The following ARHGAP9 variants were observed in gnomAD, a reference collection of about 807,000 sequenced individuals.
ARHGAP9 encodes the protein rho GTPase-activating protein 9.
ARHGAP9 carries 76 observed loss-of-function variants against 87.3 expected under a neutral mutation model. The ratio of observed to expected loss-of-function variants is 0.87; its 90% CI spans 0.72 to 1.05. ARHGAP9 has a LOEUF of 1.05. Among genes scored for constraint, ARHGAP9 ranks in the 50% least tolerant of loss-of-function variants. ARHGAP9 has a pLI of 0.00. For synonymous variants in ARHGAP9, 382 were observed against 394.9 expected (o/e 0.97, Z 0.39); for missense variants, 941 against 960.5 (o/e 0.98, Z 0.27).
At chr12:57,486,561 C>T (rs1468551923) in intron 1 of ARHGAP9, among the ~76,000 whole-genome samples, 2 of 149,948 alleles carry the variant, frequency 1.3e-5, no homozygotes, top group South Asian at 2.1e-4. Flanking sequence ...TGAGCCACCG[C>T]GCCCGGCCTT....
intron 3 of ARHGAP9, chr12:57,477,952 G>T: frequency 8.0e-7 from 1 of 1,257,408 alleles, no homozygotes. Context: ...ACAGGAAAGG[G>T]GAACAGGCTT....
At chr12:57,488,285 C>T in intron 1 of ARHGAP9, 2 of 1,290,718 alleles carry the variant, frequency 1.5e-6, no homozygotes, top group Non-Finnish European at 2.2e-6. Context: ...TGCCAAACCC[C>T]TAGCCCTCGC....
chr12:57,476,829 G>T (rs200070082), intron 6 of ARHGAP9, 42 bp downstream of exon 6: 17 of 1,227,530 alleles, frequency 1.4e-5, no homozygotes, highest in Non-Finnish European at 1.8e-5. Context: ...GGGAGGGGGG[G>T]CAGGGAGGAT....
intron 1 of ARHGAP9, chr12:57,488,035 T>C (rs377732242): frequency 6.7e-7 from 1 of 1,499,190 alleles, no homozygotes; most frequent in Non-Finnish European, 9.3e-7. Flanking sequence ...CGGAGGCCGC[T>C]GAACTCAGAA....
chr12:57,476,411 G>A lies in ARHGAP9; in HGVS notation c.1069C>T (p.Leu357=), dbSNP rs753047519. ...PSWVVLTGNS[L]VFYREPPPTA... The stretch of plus-strand genomic sequence containing the variant: ...GGCGGTGGCTCTCGGTAGAACACCA[G>A]GCTGTTACCCGTTAACACCACCCAA... The change falls in exon 8 of 18, where the codon CTG becomes TTG. Residue 357 remains leucine (L), a synonymous_variant. Transcript: ENST00000393791. 1.9e-6 allele frequency: 3 copies of A among 1,613,964 alleles called. 1 individual carries two copies. In the Admixed American group the frequency reaches 5.0e-5, roughly 27 times the overall value.
intron 1 of ARHGAP9, among the ~76,000 whole-genome samples, chr12:57,486,889 G>A (rs868778637): frequency 5.2e-4 from 72 of 139,102 alleles, no homozygotes; most frequent in East Asian, 6.5e-4. Context: ...CCGTCTCAAA[G>A]AAAAAAAAAA....
upstream of ARHGAP9, among the ~76,000 whole-genome samples, chr12:57,484,741 T>G (rs1875273469): frequency 6.6e-6 from 1 of 152,086 alleles, no homozygotes; most frequent in Non-Finnish European, 1.5e-5. Context: ...GCCTCCCAAG[T>G]TCAAGCAATT....
chr12:57,488,466 C>A, intron 1 of ARHGAP9: 1 of 1,189,222 alleles, frequency 8.4e-7, no homozygotes, highest in Non-Finnish European at 1.2e-6. Flanking sequence ...GTAAACTGCT[C>A]TTCCCTTCCC....
chr12:57,480,428 C>T (rs571930171), upstream of ARHGAP9, among the ~76,000 whole-genome samples: 8 of 152,156 alleles, frequency 5.3e-5, no homozygotes, highest in Admixed American at 3.9e-4. Flanking sequence ...GTGATTCACC[C>T]GCCTCAGCCT....
chr12:57,476,421 C>G lies in ARHGAP9; in HGVS notation c.1059G>C (p.Thr353=), dbSNP rs1349902185. 3.1e-6 allele frequency: 5 copies of G among 1,614,128 alleles called. No homozygotes were observed. Among genetic ancestry groups the G allele is most frequent in the Non-Finnish European group, 4.2e-6 (5 of 1,180,018 alleles). The part of the protein sequence containing the change: ...KNWGPSWVVL[T]GNSLVFYREP... The stretch of plus-strand genomic sequence containing the variant: ...CTCGGTAGAACACCAGGCTGTTACC[C>G]GTTAACACCACCCAAGACGGGCCCC... Residue 353 remains threonine, a synonymous_variant, in exon 8 of 18, where the codon ACG becomes ACC. Coordinates refer to ENST00000393791, the MANE Select transcript of ARHGAP9 (RefSeq NM_032496.4).
chr12:57,480,703 C>T (rs1210412332), upstream of ARHGAP9: 1 of 1,415,716 alleles, frequency 7.1e-7, no homozygotes. Context: ...GCCAGCTTCT[C>T]CTTGGTGGAA....
In ARHGAP9 at chr12:57,476,969, G is replaced by C. The variant is rs766037636; in HGVS notation, c.871-6C>G. The C allele has an allele frequency of 6.2e-7, 1 of 1,613,336 alleles. No individual in the cohort carries two copies. The highest frequency in any genetic ancestry group is 8.5e-7 in the Non-Finnish European group (1 of 1,179,734). On this transcript the variant is annotated splice_region_variant and splice_polypyrimidine_tract_variant and intron_variant, in intron 5 of 17. Coordinates refer to ENST00000393791, the MANE Select transcript of ARHGAP9 (RefSeq NM_032496.4). The stretch of plus-strand genomic sequence containing the variant: ...TGGCTGAGGCTGAGTGAACCCTAGG[G>C]GAGAGGATTGGAGAAACAGGTGGGG...
rs1565605652 is a variant in ARHGAP9, at chr12:57,472,484, CG to C, written c.*32del. The C allele has an allele frequency of 6.2e-7, 1 of 1,607,532 alleles. No homozygotes were observed. Among genetic ancestry groups the C allele is most frequent in the Admixed American group, 1.7e-5 (1 of 59,452 alleles). On this transcript the variant is annotated 3_prime_UTR_variant, in exon 18 of 18. Transcript: ENST00000393791. ...CCAGCCTCTCACCACCAGAGATGAC[CG>C]GAAATATGTTTTCTCTTCTTCCTTC...
intron 3 of ARHGAP9, 104 bp downstream of exon 3, chr12:57,478,436 T>C: frequency 8.7e-7 from 1 of 1,142,998 alleles, no homozygotes; most frequent in Non-Finnish European, 1.3e-6. Flanking sequence ...TTATCTTATT[T>C]ATTTGTTTTT....
At chr12:57,480,251 G>C (rs949733889), upstream of ARHGAP9, 1 of 459,144 alleles carries the variant, frequency 2.2e-6, no homozygotes, top group African/African-American at 2.1e-5. Context: ...GCGAGATCTC[G>C]GGTCACTGCA....
chr12:57,482,098 T>G (rs562341661), upstream of ARHGAP9, among the ~76,000 whole-genome samples: 1 of 152,266 alleles, frequency 6.6e-6, no homozygotes, highest in African/African-American at 2.4e-5. Context: ...AATACCACTA[T>G]TTAGTTTAAT....
chr12:57,483,269 G>A (rs767863954), upstream of ARHGAP9, among the ~76,000 whole-genome samples: 13 of 152,034 alleles, frequency 8.6e-5, no homozygotes, highest in East Asian at 3.9e-4. Context: ...TTGTTTCCTC[G>A]CCACCCACAT....
At chr12:57,478,980 G>T in intron 2 of ARHGAP9, 111 bp downstream of exon 2, 3 of 1,371,256 alleles carry the variant, frequency 2.2e-6, no homozygotes, top group Non-Finnish European at 3.0e-6. Context: ...AGAGAAGATG[G>T]TTAGCAGAAG....
rs1052849322 is a variant in ARHGAP9 at position 57,477,769 on chromosome 12, C to T, written c.535-89G>A. 7.1e-6 allele frequency: 11 copies of T among 1,553,380 alleles called. No homozygotes were observed. The African/African-American group carries it at 1.4e-4, about 19-fold the overall frequency. ...GGCCTTCCCACCTCCTGCTCCCTCC[C>T]CCATTGTCTTCTCACCGCCAGCTCT... On this transcript the variant is annotated intron_variant, in intron 3 of 17. Transcript: ENST00000393791.
Sources: allele counts gnomAD v4.1 joint callset (sites outside exome capture counted in the v4.1 genomes callset), GRCh38; gene constraint gnomAD v4.1.1; transcripts MANE v1.5; gene names NCBI Gene and HGNC (gene_info 2026-07-23, HGNC 2026-07-21).